Variants in CSMD1 observed in about 807,000 individuals in gnomAD.
CSMD1 encodes CUB and sushi domain-containing protein 1.
CSMD1 carries 213 observed loss-of-function variants against 417.5 expected under a neutral mutation model. The observed-to-expected ratio is 0.51, with a 90% confidence interval of 0.46 to 0.57. The LOEUF (loss-of-function observed/expected upper bound fraction) is 0.57, where lower values mean the gene tolerates loss of function less well. CSMD1 is among the 20% of genes least tolerant of loss of function. CSMD1 has a pLI of 0.00. For missense variants in CSMD1, 6,923 were observed against 4,529.7 expected (o/e 1.53, Z -15.17); for synonymous variants, 2,862 against 1,736.8 (o/e 1.65, Z -16.11).
At chr8:4,335,263 AC>A (rs773412882) in intron 3 of CSMD1, among the ~76,000 whole-genome samples, 5 of 151,954 alleles carry the variant, frequency 3.3e-5, no homozygotes, top group Non-Finnish European at 5.9e-5. Flanking sequence ...TTATGACCTA[AC>A]CACCTCCCAA....
At chr8:4,806,480 T>C (rs1437005205) in intron 1 of CSMD1, among the ~76,000 whole-genome samples, 1 of 150,110 alleles carries the variant, frequency 6.7e-6, no homozygotes, top group African/African-American at 2.4e-5. Flanking sequence ...CTGTGGGCCA[T>C]CTATTTAGTT....
chr8:4,467,060 G>A (rs569817470), intron 2 of CSMD1, among the ~76,000 whole-genome samples: 2 of 136,472 alleles, frequency 1.5e-5, no homozygotes, highest in Non-Finnish European at 3.1e-5. Context: ...ACAATTAAAA[G>A]AAGTGATTAG....
chr8:3,971,754 A>T (rs1394829726), intron 5 of CSMD1, among the ~76,000 whole-genome samples: 1 of 152,182 alleles, frequency 6.6e-6, no homozygotes, highest in South Asian at 2.1e-4. Context: ...GCATTTTCTT[A>T]AATTCAGTAA....
intron 3 of CSMD1, among the ~76,000 whole-genome samples, chr8:4,402,060 C>A (rs1804681254): frequency 6.6e-6 from 1 of 152,276 alleles, no homozygotes; most frequent in Non-Finnish European, 1.5e-5. Context: ...AATGGTCCTT[C>A]TAACCCCATG....
At chr8:3,684,344 A>T (rs1472482021) in intron 7 of CSMD1, among the ~76,000 whole-genome samples, 3 of 146,474 alleles carry the variant, frequency 2.0e-5, no homozygotes, top group Non-Finnish European at 4.5e-5. Context: ...TATTATATAA[A>T]ACATACAAGC....
intron 12 of CSMD1, among the ~76,000 whole-genome samples, chr8:3,452,500 T>C (rs950692622): frequency 1.3e-5 from 2 of 152,232 alleles, no homozygotes; most frequent in Admixed American, 1.3e-4. Context: ...CATCAATACC[T>C]AATTTACTGA....
chr8:4,878,536 T>C (rs1482670112), intron 1 of CSMD1, among the ~76,000 whole-genome samples: 1 of 151,954 alleles, frequency 6.6e-6, no homozygotes, highest in Non-Finnish European at 1.5e-5. Context: ...GAATGATTAT[T>C]TCTTGTACAA....
At chr8:3,256,673 C>G (rs1204318772) in intron 26 of CSMD1, among the ~76,000 whole-genome samples, 8 of 152,210 alleles carry the variant, frequency 5.3e-5, no homozygotes, top group African/African-American at 1.7e-4. Flanking sequence ...ACTTCCAGAA[C>G]TGGATCCTGC....
intron 3 of CSMD1, among the ~76,000 whole-genome samples, chr8:4,291,353 A>G (rs1215196971): frequency 1.3e-5 from 2 of 152,190 alleles, no homozygotes; most frequent in African/African-American, 4.8e-5. Flanking sequence ...GATAAATTAC[A>G]TATAAAAACA....
intron 1 of CSMD1, among the ~76,000 whole-genome samples, chr8:4,987,381 G>T (rs1388660434): frequency 1.3e-5 from 2 of 152,158 alleles, no homozygotes; most frequent in African/African-American, 4.8e-5. Context: ...AAAGCAGAGG[G>T]TTGCTGCAAC....
chr8:4,719,227 T>C (rs1808888919), intron 1 of CSMD1, among the ~76,000 whole-genome samples: 1 of 152,202 alleles, frequency 6.6e-6, no homozygotes, highest in South Asian at 2.1e-4. Context: ...GCACACATTG[T>C]CATGTTTTAG....
At chr8:3,149,233 C>A (rs1454585287) in intron 40 of CSMD1, among the ~76,000 whole-genome samples, 1 of 151,996 alleles carries the variant, frequency 6.6e-6, no homozygotes. Context: ...CTAAATGATA[C>A]CCTTCTCAGA....
intron 2 of CSMD1, among the ~76,000 whole-genome samples, chr8:4,599,326 C>T (rs1417290077): frequency 6.6e-6 from 1 of 151,676 alleles, no homozygotes; most frequent in East Asian, 1.9e-4. Context: ...GTCAACTAGA[C>T]AGACTTAACC....
chr8:4,693,920 G>A (rs924532620), intron 1 of CSMD1, among the ~76,000 whole-genome samples: 1 of 137,374 alleles, frequency 7.3e-6, no homozygotes, highest in Non-Finnish European at 1.6e-5. Flanking sequence ...TATTTTCAAA[G>A]GTCACAAATG....
chr8:4,370,688 G>C (rs1319822938), intron 3 of CSMD1, among the ~76,000 whole-genome samples: 2 of 152,144 alleles, frequency 1.3e-5, no homozygotes, highest in African/African-American at 2.4e-5. Context: ...TGGTGTTCAA[G>C]ACCTGAGATT....
chr8:4,815,078 G>T (rs977353226), intron 1 of CSMD1, among the ~76,000 whole-genome samples: 2 of 151,962 alleles, frequency 1.3e-5, no homozygotes, highest in African/African-American at 4.8e-5. Context: ...GTAGTATCCC[G>T]CTGGGTGACC....
intron 2 of CSMD1, among the ~76,000 whole-genome samples, chr8:4,571,566 G>A (rs1264190243): frequency 6.6e-6 from 1 of 152,112 alleles, no homozygotes; most frequent in African/African-American, 2.4e-5. Context: ...TTCCAATTAT[G>A]TGGTCCATTT....
At chr8:4,802,669 T>C (rs1402813189) in intron 1 of CSMD1, among the ~76,000 whole-genome samples, 1 of 152,206 alleles carries the variant, frequency 6.6e-6, no homozygotes, top group Non-Finnish European at 1.5e-5. Context: ...AACTTTGTAA[T>C]ACCTCATTAA....
chr8:3,291,229 G>T (rs751060126), intron 25 of CSMD1, among the ~76,000 whole-genome samples: 5 of 152,110 alleles, frequency 3.3e-5, no homozygotes, highest in African/African-American at 1.2e-4. Context: ...CCATTTGCCA[G>T]TATTTTATTG....
Sources: gnomAD v4.1 joint callset for allele counts (sites outside exome capture counted in the v4.1 genomes callset) on GRCh38, gnomAD v4.1.1 for gene constraint, MANE v1.5 for transcripts, NCBI Gene and HGNC (gene_info 2026-07-23, HGNC 2026-07-21) for gene names.